CDC42SE2: variants seen among roughly 807,000 people sequenced by gnomAD.
CDC42SE2 encodes the protein CDC42 small effector 2.
A neutral mutation model predicts 11.5 loss-of-function variants in CDC42SE2; 3 were observed. That is an observed-to-expected ratio of 0.26 (90% CI 0.12 to 0.67). CDC42SE2 has a LOEUF of 0.67. Among genes scored for constraint, CDC42SE2 ranks in the 30% least tolerant of loss-of-function variants. CDC42SE2 has a pLI of 0.80. For missense variants in CDC42SE2, 82 were observed against 106.8 expected (o/e 0.77, Z 1.02); for synonymous variants, 33 against 34.8 (o/e 0.95, Z 0.18).
rs1749648354 is a variant in CDC42SE2 at position 131,359,535 on chromosome 5, A to G, written c.42A>G (p.Glu14=). 6.2e-7 allele frequency: 1 copy of G among 1,612,848 alleles called. No individual in the cohort carries two copies. Among genetic ancestry groups the G allele is most frequent in the South Asian group, 1.1e-5 (1 of 91,066 alleles). The part of the protein sequence containing the change: ...FWLCFNCCIA[E]QPQPKRRRRI... ...TGTGTTTCAACTGCTGTATTGCAGA[A>G]CAGCCTCAGCCTGTAAGTATGAAGT... is the stretch of plus-strand genomic sequence containing the variant. The change falls in exon 3 of 5, where the codon GAA becomes GAG. Residue 14 remains glutamate, a synonymous_variant. Coordinates refer to ENST00000505065, the MANE Select transcript of CDC42SE2 (RefSeq NM_001375635.1).
At chr5:131,290,487 TTTTTTTTTTTTTTGA>T (rs1286806337) in intron 1 of CDC42SE2, among the ~76,000 whole-genome samples, 1 of 107,854 alleles carries the variant, frequency 9.3e-6, no homozygotes, top group Non-Finnish European at 1.9e-5. Flanking sequence ...TTTTTTTTTG[TTTTTTTTTTTTTTGA>T]GACAGGGTAT....
At chr5:131,266,998 T>G (rs1221948185) in intron 1 of CDC42SE2, among the ~76,000 whole-genome samples, 1 of 147,306 alleles carries the variant, frequency 6.8e-6, no homozygotes, top group African/African-American at 2.5e-5. Context: ...ATCATCAGAA[T>G]TCTTGACAAT....
At chr5:131,366,027 C>A (rs1172715944) in intron 3 of CDC42SE2, among the ~76,000 whole-genome samples, 2 of 151,952 alleles carry the variant, frequency 1.3e-5, no homozygotes, top group African/African-American at 4.8e-5. Flanking sequence ...AAATGAAAAC[C>A]CTACGTTTTA....
At position 131,393,445 on chromosome 5, in the gene CDC42SE2, A is replaced by C. The variant is rs1750727389; in HGVS notation, c.*2354A>C. 6.6e-6 allele frequency: 1 copy of C among 152,396 alleles called. No individual in the cohort carries two copies. The highest frequency in any genetic ancestry group is 2.4e-5 in the African/African-American group (1 of 41,464). The allele number at this position is 152,396 out of a possible 1,614,324, so 9.4% of individuals were successfully genotyped here. ...GGATCTGCCAAGGAAAAACATTTGC[A>C]TCTTCGGAGTAGACATTTTGCAGTT... On this transcript the variant is annotated 3_prime_UTR_variant, in exon 5 of 5. Transcript: ENST00000505065.
At chr5:131,222,882 C>G in the CDC42SE2 span, among the ~76,000 whole-genome samples, 75 of 152,364 alleles carry the variant, frequency 4.9e-4, 1 homozygote, top group Non-Finnish European at 4.7e-4. Context: ...CTTACTCCAG[C>G]CTTTGCTTCT....
the CDC42SE2 span, among the ~76,000 whole-genome samples, chr5:131,226,516 G>A: frequency 6.6e-6 from 1 of 152,192 alleles, no homozygotes; most frequent in African/African-American, 2.4e-5. Flanking sequence ...GGGGCCTGCA[G>A]TCATTCATTT....
chr5:131,306,981 T>G (rs1757791727), intron 1 of CDC42SE2, among the ~76,000 whole-genome samples: 1 of 152,090 alleles, frequency 6.6e-6, no homozygotes. Context: ...TCTAACAGTT[T>G]TTTGGTGGAG....
chr5:131,330,200 C>T (rs1237705048), intron 2 of CDC42SE2, among the ~76,000 whole-genome samples: 3 of 152,162 alleles, frequency 2.0e-5, no homozygotes, highest in African/African-American at 7.2e-5. Flanking sequence ...GCGCCATGGT[C>T]TTTCCAGCAT....
At chr5:131,332,227 T>G (rs982302717) in intron 2 of CDC42SE2, among the ~76,000 whole-genome samples, 13 of 152,206 alleles carry the variant, frequency 8.5e-5, no homozygotes, top group African/African-American at 3.1e-4. Context: ...GTTTGGTTTT[T>G]TGTCCTTGCG....
intron 1 of CDC42SE2, among the ~76,000 whole-genome samples, chr5:131,252,643 G>A (rs1264799405): frequency 3.9e-5 from 6 of 152,180 alleles, no homozygotes; most frequent in Admixed American, 6.5e-5. Context: ...GTGACAGAGC[G>A]AGACTTCGTC....
chr5:131,293,351 C>G (rs934506015), intron 1 of CDC42SE2, among the ~76,000 whole-genome samples: 33 of 152,216 alleles, frequency 2.2e-4, no homozygotes, highest in African/African-American at 7.0e-4. Flanking sequence ...GCAGGCAGAT[C>G]ACCTGAGGTC....
chr5:131,250,820 G>T (rs968291500), intron 1 of CDC42SE2, among the ~76,000 whole-genome samples: 9 of 152,124 alleles, frequency 5.9e-5, no homozygotes, highest in Non-Finnish European at 1.2e-4. Flanking sequence ...TAGGAGGATT[G>T]CTTGAGCTCA....
intron 1 of CDC42SE2, among the ~76,000 whole-genome samples, chr5:131,298,794 C>T (rs1757624233): frequency 6.6e-6 from 1 of 152,124 alleles, no homozygotes; most frequent in Non-Finnish European, 1.5e-5. Context: ...CTAAATCTGA[C>T]ACCCAGAATT....
At position 131,313,870 on chromosome 5, in the gene CDC42SE2, C is replaced by T. The variant is rs143990124; in HGVS notation, c.-454-2106C>T. On this transcript the variant is annotated intron_variant, in intron 1 of 4. Coordinates refer to ENST00000505065, the MANE Select transcript of CDC42SE2 (RefSeq NM_001375635.1). Reference sequence around the variant, plus strand: ...TGAGGCAGAGTCTCACTCTGTCACCCTGGCCGTAGTGCAGTGGCATGATCT... The same window carrying T: ...TGAGGCAGAGTCTCACTCTGTCACCTTGGCCGTAGTGCAGTGGCATGATCT... Among the ~76,000 whole-genome samples, 281 of 152,256 alleles carry T rather than the reference C, an allele frequency of 1.8e-3. 1 individual carries two copies. Among genetic ancestry groups the T allele is most frequent in the African/African-American group, 6.3e-3 (261 of 41,540 alleles).
chr5:131,336,264 A>T (rs959466862), intron 2 of CDC42SE2, among the ~76,000 whole-genome samples: 1 of 152,128 alleles, frequency 6.6e-6, no homozygotes, highest in African/African-American at 2.4e-5. Flanking sequence ...CTGAGTTGAA[A>T]ATTCTTAATT....
chr5:131,287,681 C>T (rs1185218582), intron 1 of CDC42SE2, among the ~76,000 whole-genome samples: 2 of 151,770 alleles, frequency 1.3e-5, no homozygotes, highest in Non-Finnish European at 2.9e-5. Context: ...GCCATGTTGC[C>T]CAGGCTGGTC....
chr5:131,367,168 A>ATG (rs975977901), intron 3 of CDC42SE2, among the ~76,000 whole-genome samples: 1 of 151,810 alleles, frequency 6.6e-6, no homozygotes, highest in Non-Finnish European at 1.5e-5. Flanking sequence ...TGATATATAT[A>ATG]TGTGTGTGTA....
intron 1 of CDC42SE2, among the ~76,000 whole-genome samples, chr5:131,310,427 A>C (rs551054352): frequency 7.5e-4 from 114 of 151,930 alleles, no homozygotes; most frequent in South Asian, 6.4e-3. Flanking sequence ...TATTCTGTTG[A>C]TTTGGGGTGG....
At chr5:131,307,476 T>C (rs1007786803) in intron 1 of CDC42SE2, among the ~76,000 whole-genome samples, 2 of 152,146 alleles carry the variant, frequency 1.3e-5, no homozygotes, top group Non-Finnish European at 1.5e-5. Context: ...TTGTTGGACA[T>C]TTGGCTTGGT....
Sources: gnomAD v4.1 joint callset for allele counts (sites outside exome capture counted in the v4.1 genomes callset) on GRCh38, gnomAD v4.1.1 for gene constraint, MANE v1.5 for transcripts, NCBI Gene and HGNC (gene_info 2026-07-23, HGNC 2026-07-21) for gene names.